Variants in PKIG observed in about 807,000 individuals in gnomAD.
PKIG encodes cAMP-dependent protein kinase inhibitor gamma.
Under a neutral mutation model 6.8 loss-of-function variants are expected in PKIG, and 1 was observed. The ratio of observed to expected loss-of-function variants is 0.15; its 90% CI spans 0.05 to 0.69. The LOEUF is 0.69. PKIG is among the 30% of genes least tolerant of loss of function. The probability of loss-of-function intolerance (pLI) is 0.82; values close to 1 mark genes in which losing one functional copy is unlikely to be tolerated. For missense variants in PKIG, 77 were observed against 104.0 expected, an observed-to-expected ratio of 0.74 and a Z score of 1.13; for synonymous variants, 39 against 43.0, an observed-to-expected ratio of 0.91 and a Z score of 0.36.
At chr20:44,608,606 C>A (rs569956591) in intron 2 of PKIG, among the ~76,000 whole-genome samples, 22 of 151,904 alleles carry the variant, frequency 1.4e-4, no homozygotes, top group African/African-American at 5.3e-4. Flanking sequence ...AGTTTGAGAC[C>A]ACGAGTTTGA....
intron 2 of PKIG, among the ~76,000 whole-genome samples, chr20:44,610,192 C>T (rs2123462167): frequency 6.6e-6 from 1 of 152,280 alleles, no homozygotes; most frequent in African/African-American, 2.4e-5. Context: ...GGGGAATTGC[C>T]GTGGACAGTG....
At chr20:44,617,526 G>A (rs1207127959) in intron 3 of PKIG, among the ~76,000 whole-genome samples, 1 of 152,140 alleles carries the variant, frequency 6.6e-6, no homozygotes, top group Non-Finnish European at 1.5e-5. Context: ...CTCAAGGGAA[G>A]CTGAAAGTGA....
chr20:44,599,391 T>C (rs956860244), intron 2 of PKIG, among the ~76,000 whole-genome samples: 3 of 152,182 alleles, frequency 2.0e-5, no homozygotes, highest in African/African-American at 7.2e-5. Context: ...ATTAAATGCT[T>C]GTAAGATGCT....
intron 1 of PKIG, among the ~76,000 whole-genome samples, chr20:44,576,547 C>A (rs1225641790): frequency 6.6e-6 from 1 of 152,154 alleles, no homozygotes; most frequent in Non-Finnish European, 1.5e-5. Context: ...AAGTGAGAGT[C>A]TGAGACCAAT....
Position 44,618,391 on chromosome 20 carries a change from C to CAGAAGGTCTCTCGTCCA in PKIG, c.*27_*28insAGAAGGTCTCTCGTCCA. On this transcript the variant is annotated 3_prime_UTR_variant, in exon 4 of 4. Coordinates refer to ENST00000372886, the MANE Select transcript of PKIG (RefSeq NM_001281445.2). ...TCTGACCTTGTCCAAGAAGGCTGGA[C>CAGAAGGTCTCTCGTCCA]GAGAGACCTTCTGTCCCCTCCCAGA... The CAGAAGGTCTCTCGTCCA allele has an allele frequency of 6.7e-7, 1 of 1,491,476 alleles. No homozygotes were observed. Among genetic ancestry groups the CAGAAGGTCTCTCGTCCA allele is most frequent in the Non-Finnish European group, 9.4e-7 (1 of 1,068,118 alleles). 92.4% of individuals were successfully genotyped at this position (1,491,476 alleles called of 1,614,324 possible). A position where few individuals can be genotyped will look rare whatever the true frequency, so the allele number is the denominator to read the frequency against.
At chr20:44,581,329 C>A (rs966105145), upstream of PKIG, among the ~76,000 whole-genome samples, 1 of 152,174 alleles carries the variant, frequency 6.6e-6, no homozygotes, top group Non-Finnish European at 1.5e-5. Context: ...GTACCAAATA[C>A]TTTCAGTTTC....
intron 1 of PKIG, among the ~76,000 whole-genome samples, chr20:44,588,515 G>A (rs1009431264): frequency 1.3e-5 from 2 of 152,124 alleles, no homozygotes; most frequent in Non-Finnish European, 2.9e-5. Flanking sequence ...GCGGTGGCAC[G>A]CACCTGCAGT....
At chr20:44,607,685 A>T (rs1228045685) in intron 2 of PKIG, among the ~76,000 whole-genome samples, 22 of 120,708 alleles carry the variant, frequency 1.8e-4, no homozygotes, top group South Asian at 2.6e-4. Context: ...TGGAAAATAA[A>T]TTTTTTTTTT....
intron 1 of PKIG, among the ~76,000 whole-genome samples, chr20:44,556,114 C>T (rs937277888): frequency 6.6e-6 from 1 of 152,246 alleles, no homozygotes; most frequent in Non-Finnish European, 1.5e-5. Context: ...GCTGGGATTA[C>T]AGGCATGAGC....
intron 3 of PKIG, among the ~76,000 whole-genome samples, chr20:44,618,075 A>G (rs1206343618): frequency 6.6e-6 from 1 of 152,142 alleles, no homozygotes; most frequent in East Asian, 1.9e-4. Context: ...TCTTAATTAT[A>G]CTAACAAACA....
At chr20:44,572,810 G>A (rs757414569) in intron 1 of PKIG, among the ~76,000 whole-genome samples, 1 of 152,106 alleles carries the variant, frequency 6.6e-6, no homozygotes, top group Non-Finnish European at 1.5e-5. Flanking sequence ...CTTCTCTTGT[G>A]GGGAGAGCTT....
At chr20:44,574,808 G>T (rs949364088) in intron 1 of PKIG, among the ~76,000 whole-genome samples, 1 of 151,574 alleles carries the variant, frequency 6.6e-6, no homozygotes, top group African/African-American at 2.4e-5. Context: ...GACCTCAGGT[G>T]ATCTACCTGC....
chr20:44,616,758 G>T (rs192832619), intron 3 of PKIG, among the ~76,000 whole-genome samples: 43 of 152,342 alleles, frequency 2.8e-4, no homozygotes, highest in Middle Eastern at 6.8e-3. Context: ...GAGCAGTTCC[G>T]TTTCACAGGC....
At chr20:44,602,698 G>A (rs1214495146) in intron 2 of PKIG, among the ~76,000 whole-genome samples, 4 of 152,004 alleles carry the variant, frequency 2.6e-5, no homozygotes, top group South Asian at 2.1e-4. Flanking sequence ...AAAATTAGCC[G>A]GGTATGTTGG....
rs201657928 is a variant in PKIG at position 44,601,994 on chromosome 20, C to T, written c.-24+12128C>T. Among the ~76,000 whole-genome samples, 63 of 152,314 alleles carry T rather than the reference C, an allele frequency of 4.1e-4. No homozygotes were observed. The East Asian group carries it at 0.012, about 29-fold the overall frequency. ...CCTGTGGGGAAATGCCCAGAGCAGG[C>T]ACCTGCAGGCACTGTAACCTCTGAC... On this transcript the variant is annotated intron_variant, in intron 2 of 3. Coordinates refer to ENST00000372886, the MANE Select transcript of PKIG (RefSeq NM_001281445.2).
intron 1 of PKIG, among the ~76,000 whole-genome samples, chr20:44,534,409 T>C (rs1469474218): frequency 6.6e-6 from 1 of 152,100 alleles, no homozygotes; most frequent in East Asian, 1.9e-4. Flanking sequence ...ACAATTTTCA[T>C]TGTCGGCAGA....
chr20:44,596,644 C>T (rs1374576434), intron 2 of PKIG, among the ~76,000 whole-genome samples: 1 of 152,148 alleles, frequency 6.6e-6, no homozygotes, highest in Non-Finnish European at 1.5e-5. Flanking sequence ...CCCTACTTCT[C>T]TCAGGAGGCA....
chr20:44,541,503 G>GA (rs2064561575), intron 1 of PKIG, among the ~76,000 whole-genome samples: 1 of 151,948 alleles, frequency 6.6e-6, no homozygotes, highest in Non-Finnish European at 1.5e-5. Context: ...TGGCCTGGCT[G>GA]GTAGACTGTG....
At chr20:44,579,810 TTAC>T (rs1391987688), upstream of PKIG, among the ~76,000 whole-genome samples, 1 of 152,214 alleles carries the variant, frequency 6.6e-6, no homozygotes, top group Non-Finnish European at 1.5e-5. Context: ...AATGGGCTCC[TTAC>T]TATTATTTTT....
Sources: gnomAD v4.1 joint callset for allele counts (sites outside exome capture counted in the v4.1 genomes callset) on GRCh38, gnomAD v4.1.1 for gene constraint, MANE v1.5 for transcripts, NCBI Gene and HGNC (gene_info 2026-07-23, HGNC 2026-07-21) for gene names.